Variants in CELF1 observed in about 807,000 individuals in gnomAD.
The protein encoded by CELF1 is 50 kDa nuclear polyadenylated RNA-binding protein.
In CELF1, 10 loss-of-function variants were observed where a neutral mutation model predicts 61.8. That is an observed-to-expected ratio of 0.16 (90% confidence interval 0.10 to 0.27). CELF1 has a LOEUF of 0.27. Among genes scored for constraint, CELF1 ranks in the 10% least tolerant of loss-of-function variants. CELF1 has a pLI of 1.00. For synonymous variants in CELF1, 236 were observed against 225.1 expected (o/e 1.05, Z -0.43); for missense variants, 380 against 639.1 (o/e 0.59, Z 4.37).
intron 9 of CELF1, 32 bp from the exon 10 acceptor site, chr11:47,478,984 T>TGA (rs746075101): frequency 1.3e-6 from 2 of 1,565,120 alleles, no homozygotes; most frequent in African/African-American, 2.7e-5. Context: ...AGAACAAGAG[T>TGA]GAGAGTGAGG....
chr11:47,513,896 TA>T (rs948644629), intron 1 of CELF1: 1 of 150,862 alleles, frequency 6.6e-6, no homozygotes, highest in Non-Finnish European at 1.5e-5. Flanking sequence ...ATGCATACAA[TA>T]AAATGTACAA....
At chr11:47,545,151 C>T (rs2096900403) in intron 1 of CELF1, among the ~76,000 whole-genome samples, 1 of 151,858 alleles carries the variant, frequency 6.6e-6, no homozygotes, top group Non-Finnish European at 1.5e-5. Context: ...AAATTAAGAC[C>T]GGGTGGAGTG....
At chr11:47,535,758 TTTTTTG>T in intron 1 of CELF1, among the ~76,000 whole-genome samples, 1 of 151,400 alleles carries the variant, frequency 6.6e-6, no homozygotes, top group Non-Finnish European at 1.5e-5. Flanking sequence ...GCCCACAAGT[TTTTTTG>T]TTTTTGTTTT....
In CELF1 at chr11:47,548,111, C is replaced by A. The variant is rs187371571; in HGVS notation, c.-154+4881G>T. 3.6e-3 allele frequency among the ~76,000 whole-genome samples: 540 copies of A among 152,082 alleles called. 3 individuals are homozygous for A. The highest frequency in any genetic ancestry group is 0.013 in the African/African-American group (525 of 41,482). ...GTCTGGAGTTCAAGACCAGCCTGGCCAAGATGGTGAAACCCCGTCTCTACT... is the reference window on the plus strand; with the variant it reads ...GTCTGGAGTTCAAGACCAGCCTGGCAAAGATGGTGAAACCCCGTCTCTACT... On this transcript the variant is annotated intron_variant, in intron 1 of 14. Transcript: ENST00000687097.
At chr11:47,534,690 T>G (rs1291412258) in intron 1 of CELF1, among the ~76,000 whole-genome samples, 1 of 152,118 alleles carries the variant, frequency 6.6e-6, no homozygotes, top group Non-Finnish European at 1.5e-5. Flanking sequence ...ATCGCACCAC[T>G]GCACTCCAGC....
intron 1 of CELF1, among the ~76,000 whole-genome samples, chr11:47,517,656 A>AT (rs1049505316): frequency 0.014 from 2,092 of 148,656 alleles, 24 homozygotes; most frequent in Non-Finnish European, 0.022. Context: ...TTCTACAGAA[A>AT]TTTTTTTTTT....
Position 47,545,915 on chromosome 11 carries a change from ATTTT to A in CELF1, c.-154+7073_-154+7076del, listed in dbSNP as rs11315630. 9.1e-3 allele frequency among the ~76,000 whole-genome samples: 1,237 copies of A among 135,892 alleles called. 25 individuals carry two copies. Among genetic ancestry groups the A allele is most frequent in the African/African-American group, 0.031 (1,136 of 36,240 alleles). The allele number at this position is 135,892 out of a possible 152,430, so 89.2% of individuals were successfully genotyped here. On this transcript the variant is annotated intron_variant, in intron 1 of 14. Transcript: ENST00000687097. ...TGTGTGTGTGTGTGTGTATATATAT[ATTTT>A]TTTTTTTTTGAGATGGAGTCTCCCA...
intron 1 of CELF1, among the ~76,000 whole-genome samples, chr11:47,546,236 CTTTTTTT>C (rs11315629): frequency 1.3e-5 from 1 of 79,200 alleles, no homozygotes; most frequent in South Asian, 4.4e-4. Context: ...CTCTCAGTAT[CTTTTTTT>C]TTTTTTTTTT....
chr11:47,522,481 T>C (rs1036364028), intron 1 of CELF1, among the ~76,000 whole-genome samples: 5 of 150,538 alleles, frequency 3.3e-5, no homozygotes, highest in African/African-American at 4.9e-5. Context: ...GATTGTGCCA[T>C]TGCACTCCAG....
Position 47,466,374 on chromosome 11 carries a change from C to G in CELF1, c.*5856G>C, listed in dbSNP as rs566215535. ...AATCACGACTGAGTTGATTGAATCC[C>G]GTTGTTGCTGCAGAACAGACTGTGC... On this transcript the variant is annotated 3_prime_UTR_variant, in exon 15 of 15. Coordinates refer to ENST00000687097, the MANE Select transcript of CELF1 (RefSeq NM_001376376.1). The G allele has an allele frequency of 6.6e-6, 1 of 152,258 alleles. No homozygotes were observed. Among genetic ancestry groups the G allele is most frequent in the South Asian group, 2.1e-4 (1 of 4,832 alleles). 9.4% of individuals were successfully genotyped at this position (152,258 alleles called of 1,614,324 possible).
intron 1 of CELF1, among the ~76,000 whole-genome samples, chr11:47,519,388 G>C (rs910640475): frequency 3.3e-5 from 5 of 152,046 alleles, no homozygotes; most frequent in African/African-American, 1.2e-4. Context: ...GGCTGGGGCA[G>C]AAGAATCACT....
chr11:47,479,591 C>A (rs777913821), intron 9 of CELF1, among the ~76,000 whole-genome samples: 2 of 152,178 alleles, frequency 1.3e-5, no homozygotes, highest in Non-Finnish European at 2.9e-5. Flanking sequence ...TTAGTCTATA[C>A]CAGGTTCAGA....
At position 47,487,219 on chromosome 11, in the gene CELF1, G is replaced by A. The variant is rs371561998; in HGVS notation, c.282C>T (p.Tyr94=). The change falls in exon 5 of 15, where the codon TAC becomes TAT. Residue 94 remains tyrosine (Y), a synonymous_variant. Coordinates refer to ENST00000687097, the MANE Select transcript of CELF1 (RefSeq NM_001376376.1). ...QSKGCCFVTF[Y]TRKAALEAQN... ...GAGCTTCTAATGCAGCTTTACGGGT[G>A]TAAAATGTAACAAAACAGCACCCTG... 5.6e-6 allele frequency: 9 copies of A among 1,612,062 alleles called. No individual in the cohort carries two copies. The highest frequency in any genetic ancestry group is 2.7e-5 in the African/African-American group (2 of 74,912).
intron 1 of CELF1, among the ~76,000 whole-genome samples, chr11:47,501,487 C>T (rs780539056): frequency 9.2e-5 from 14 of 152,092 alleles, no homozygotes; most frequent in Non-Finnish European, 1.8e-4. Flanking sequence ...TGCAAGAATT[C>T]CTCTAAAAAG....
At chr11:47,487,318 G>C in intron 4 of CELF1, 77 bp from the exon 5 acceptor site, 5 of 1,091,364 alleles carry the variant, frequency 4.6e-6, no homozygotes, top group Non-Finnish European at 4.1e-6. Flanking sequence ...TCCACTGACA[G>C]ATCAGATCTT....
At position 47,482,743 on chromosome 11, in the gene CELF1, C is replaced by T; in HGVS notation, c.720G>A (p.Val240=). The T allele has an allele frequency of 6.2e-7, 1 of 1,614,172 alleles. No individual in the cohort carries two copies. The highest frequency in any genetic ancestry group is 8.5e-7 in the Non-Finnish European group (1 of 1,180,036). The change falls in exon 9 of 15, where the codon GTG becomes GTA. Residue 240 remains valine, a synonymous_variant. Transcript: ENST00000687097. The stretch of plus-strand genomic sequence containing the variant: ...TATTTAGACCAGCAAGGTTTCCCCA[C>T]ACAGATGCTGCGCTGATTTGCTGCA... The part of the protein sequence containing the change: ...QQMQQISAAS[V]WGNLAGLNTL...
chr11:47,520,201 G>A (rs1021179975), intron 1 of CELF1, among the ~76,000 whole-genome samples: 2 of 152,070 alleles, frequency 1.3e-5, no homozygotes, highest in Non-Finnish European at 2.9e-5. Flanking sequence ...TCTATCTAAG[G>A]GAAAATGTTA....
intron 8 of CELF1, 49 bp from the exon 9 acceptor site, chr11:47,482,905 A>G: frequency 6.4e-7 from 1 of 1,562,140 alleles, no homozygotes; most frequent in South Asian, 1.2e-5. Context: ...TCTGAAAAGA[A>G]GAAAAAAAAT....
intron 10 of CELF1, among the ~76,000 whole-genome samples, chr11:47,478,073 G>A (rs1231449813): frequency 1.3e-5 from 2 of 152,246 alleles, no homozygotes; most frequent in African/African-American, 4.8e-5. Flanking sequence ...ATGGAAAGAT[G>A]GATGGGGTGA....
Sources: allele counts gnomAD v4.1 joint callset (sites outside exome capture counted in the v4.1 genomes callset), GRCh38; gene constraint gnomAD v4.1.1; transcripts MANE v1.5; gene names NCBI Gene and HGNC (gene_info 2026-07-23, HGNC 2026-07-21).